FRMD4A: variants seen among roughly 807,000 people sequenced by gnomAD.
The protein encoded by FRMD4A is FERM domain containing 4A, also known as FERM domain-containing protein 4A.
In FRMD4A, 29 loss-of-function variants were observed where a neutral mutation model predicts 129.1. The ratio of observed to expected loss-of-function variants is 0.22; its 90% CI spans 0.17 to 0.31. The LOEUF is 0.31. Ranked by LOEUF, FRMD4A falls within the 10% of genes least tolerant of loss-of-function variation. FRMD4A has a pLI of 1.00. For missense variants in FRMD4A, 1,272 were observed against 1,375.8 expected (o/e 0.92, Z 1.19); for synonymous variants, 634 against 571.6 (o/e 1.11, Z -1.56).
intron 24 of FRMD4A, chr10:13,649,631 T>A (rs2081386423): frequency 6.6e-6 from 1 of 152,232 alleles, no homozygotes; most frequent in African/African-American, 2.4e-5. Flanking sequence ...TCCACATAGT[T>A]ATTGAAGTAC....
chr10:14,091,412 A>G (rs1393016343), intron 2 of FRMD4A, among the ~76,000 whole-genome samples: 1 of 151,894 alleles, frequency 6.6e-6, no homozygotes, highest in Non-Finnish European at 1.5e-5. Flanking sequence ...TGACATTTCC[A>G]TTCTTAGTTT....
intron 2 of FRMD4A, among the ~76,000 whole-genome samples, chr10:14,216,237 C>T (rs1287929122): frequency 6.6e-6 from 1 of 152,194 alleles, no homozygotes; most frequent in Non-Finnish European, 1.5e-5. Context: ...CCAACCTACT[C>T]AAACTCAGTT....
At chr10:13,735,808 T>A (rs2090596692) in intron 12 of FRMD4A, among the ~76,000 whole-genome samples, 1 of 152,132 alleles carries the variant, frequency 6.6e-6, no homozygotes, top group African/African-American at 2.4e-5. Flanking sequence ...TTAAAGGCTT[T>A]AGGGAGTATT....
At chr10:14,116,877 A>G (rs960167878) in intron 2 of FRMD4A, among the ~76,000 whole-genome samples, 8 of 152,242 alleles carry the variant, frequency 5.3e-5, no homozygotes, top group African/African-American at 1.9e-4. Flanking sequence ...GTTATGTTAC[A>G]TCTGTCTTGG....
chr10:13,904,992 CAAAA>C (rs397772526), intron 2 of FRMD4A, among the ~76,000 whole-genome samples: 6 of 109,436 alleles, frequency 5.5e-5, no homozygotes, highest in Non-Finnish European at 5.5e-5. Flanking sequence ...GACTCTATCT[CAAAA>C]AAAAAAAAAA....
chr10:13,702,875 A>G (rs78999799), intron 13 of FRMD4A, among the ~76,000 whole-genome samples: 20,609 of 148,796 alleles, frequency 0.14, 1,760 homozygotes, highest in Middle Eastern at 0.23. Context: ...CTGAGTCCAC[A>G]CAGGTTTTTT....
chr10:14,009,901 GCTT>G (rs1431608097), intron 2 of FRMD4A, among the ~76,000 whole-genome samples: 1 of 152,032 alleles, frequency 6.6e-6, no homozygotes, highest in Non-Finnish European at 1.5e-5. Flanking sequence ...TCTCTTTCTT[GCTT>G]CTTGCCTGCA....
At chr10:14,256,599 C>T (rs1357443883) in intron 2 of FRMD4A, among the ~76,000 whole-genome samples, 2 of 152,138 alleles carry the variant, frequency 1.3e-5, no homozygotes, top group African/African-American at 2.4e-5. Context: ...TTGGCCCTAA[C>T]ATACATGCTT....
chr10:14,144,073 C>T (rs1839965974), intron 2 of FRMD4A, among the ~76,000 whole-genome samples: 1 of 152,144 alleles, frequency 6.6e-6, no homozygotes, highest in Non-Finnish European at 1.5e-5. Flanking sequence ...GAGACGCTAA[C>T]ATGTGGGGCA....
At chr10:14,096,566 T>C (rs1399292233) in intron 2 of FRMD4A, among the ~76,000 whole-genome samples, 3 of 152,162 alleles carry the variant, frequency 2.0e-5, no homozygotes, top group Admixed American at 6.5e-5. Flanking sequence ...TGCAAATAAG[T>C]AAGTTTTTCA....
intron 2 of FRMD4A, among the ~76,000 whole-genome samples, chr10:14,225,908 C>A (rs1843419390): frequency 6.6e-6 from 1 of 152,162 alleles, no homozygotes; most frequent in Admixed American, 6.5e-5. Context: ...CTAGGGCCAT[C>A]TCAAAGGGGT....
At chr10:14,181,787 C>T (rs949817415) in intron 2 of FRMD4A, among the ~76,000 whole-genome samples, 1 of 152,106 alleles carries the variant, frequency 6.6e-6, no homozygotes, top group Non-Finnish European at 1.5e-5. Context: ...GCTTCCTAAG[C>T]TCAAGCAATC....
Position 14,017,218 on chromosome 10 carries a change from G to A in FRMD4A, c.46-158306C>T, listed in dbSNP as rs114169017. Among the ~76,000 whole-genome samples, 520 of 152,292 alleles carry A rather than the reference G, an allele frequency of 3.4e-3. 1 individual carries two copies. The highest frequency in any genetic ancestry group is 0.012 in the African/African-American group (496 of 41,546). Reference sequence around the variant, plus strand: ...CTGCAAGATGGCCATGTGATTAAACGGGTAATAAGCTGACCTCTGTGAAGC... The same window carrying A: ...CTGCAAGATGGCCATGTGATTAAACAGGTAATAAGCTGACCTCTGTGAAGC... On this transcript the variant is annotated intron_variant, in intron 2 of 24. Transcript: ENST00000357447.
intron 2 of FRMD4A, among the ~76,000 whole-genome samples, chr10:14,042,461 T>G (rs1025849015): frequency 6.6e-6 from 1 of 152,218 alleles, no homozygotes; most frequent in Non-Finnish European, 1.5e-5. Flanking sequence ...CTTTGTTCAG[T>G]GTACTCTTGT....
intron 12 of FRMD4A, among the ~76,000 whole-genome samples, chr10:13,713,846 T>C (rs1471919761): frequency 3.9e-4 from 3 of 7,676 alleles, no homozygotes; most frequent in African/African-American, 2.3e-3. Context: ...GTAATATATA[T>C]ACACATATAT....
Position 14,144,850 on chromosome 10 carries a change from C to T in FRMD4A, c.45+185208G>A, listed in dbSNP as rs183153167. On this transcript the variant is annotated intron_variant, in intron 2 of 24. Coordinates refer to ENST00000357447, the MANE Select transcript of FRMD4A (RefSeq NM_018027.5). ...AGAGCAGCAGAGGAGAGGGTGAAAC[C>T]GCAGAGAAGGACTTGGGGTCAAGAG... Among the ~76,000 whole-genome samples, 437 of 152,176 alleles carry T rather than the reference C, an allele frequency of 2.9e-3. 1 individual carries two copies. The highest frequency in any genetic ancestry group is 9.3e-3 in the African/African-American group (385 of 41,526).
chr10:13,800,834 C>T lies in FRMD4A; in HGVS notation c.207-4246G>A, dbSNP rs141307414. Among the ~76,000 whole-genome samples the T allele has an allele frequency of 6.3e-3, 958 of 152,346 alleles. 3 individuals are homozygous for T. The highest frequency in any genetic ancestry group is 0.01 in the Non-Finnish European group (708 of 68,022). ...GATTCCCCCTCTAGAAAACTTTATT[C>T]CCCACATTAAACTGTCTAAAAGAAT... On this transcript the variant is annotated intron_variant, in intron 4 of 24. Transcript: ENST00000357447.
At chr10:13,747,624 CA>C (rs2091357497) in intron 9 of FRMD4A, 111 bp downstream of exon 9, 2 of 615,804 alleles carry the variant, frequency 3.2e-6, no homozygotes, top group East Asian at 5.3e-5. Flanking sequence ...AATACAGCTG[CA>C]AGTCCAGGCT....
At chr10:14,266,696 A>G (rs559174034) in intron 2 of FRMD4A, among the ~76,000 whole-genome samples, 3 of 152,370 alleles carry the variant, frequency 2.0e-5, no homozygotes, top group Admixed American at 2.0e-4. Flanking sequence ...ACTGCAGAGT[A>G]TGCACTAATT....
Sources: allele counts gnomAD v4.1 joint callset (sites outside exome capture counted in the v4.1 genomes callset), GRCh38; gene constraint gnomAD v4.1.1; transcripts MANE v1.5; gene names NCBI Gene and HGNC (gene_info 2026-07-23, HGNC 2026-07-21).